Variants in ATP11A observed in about 807,000 individuals in gnomAD.
The protein encoded by ATP11A is phospholipid-transporting ATPase IH.
A neutral mutation model predicts 154.4 loss-of-function variants in ATP11A; 81 were observed. That is an observed-to-expected ratio of 0.52 (90% CI 0.44 to 0.63). The LOEUF is 0.63. Among genes scored for constraint, ATP11A ranks in the 30% least tolerant of loss-of-function variants. ATP11A has a pLI of 0.00. For synonymous variants in ATP11A, 623 were observed against 585.9 expected (o/e 1.06, Z -0.91); for missense variants, 1,316 against 1,474.3 (o/e 0.89, Z 1.76).
chr13:112,872,979 CGGTGTG>C (rs2080579923), intron 26 of ATP11A, among the ~76,000 whole-genome samples: 1 of 5,430 alleles, frequency 1.8e-4, no homozygotes, highest in Non-Finnish European at 7.9e-4. Context: ...TCTTCCTGAG[CGGTGTG>C]AGGTGTGGCT....
intron 12 of ATP11A, among the ~76,000 whole-genome samples, chr13:112,828,827 C>G (rs2079016261): frequency 2.0e-5 from 3 of 152,226 alleles, no homozygotes; most frequent in African/African-American, 7.2e-5. Context: ...AAGGCAGGTT[C>G]ATCTGACCGC....
intron 24 of ATP11A, 73 bp from the exon 25 acceptor site, chr13:112,862,367 C>T (rs1383240816): frequency 4.4e-5 from 70 of 1,576,852 alleles, no homozygotes; most frequent in Non-Finnish European, 6.0e-5. Flanking sequence ...CAGGGATGGC[C>T]ACCCCAGAGC....
chr13:112,717,704 T>G (rs923570711), intron 1 of ATP11A: 12 of 152,258 alleles, frequency 7.9e-5, no homozygotes, highest in Non-Finnish European at 1.6e-4. Context: ...GATTAAGTTA[T>G]GGTCGTAGGT....
At chr13:112,793,444 T>C (rs1157433645) in intron 2 of ATP11A, among the ~76,000 whole-genome samples, 4 of 152,184 alleles carry the variant, frequency 2.6e-5, no homozygotes, top group African/African-American at 9.6e-5. Flanking sequence ...CTCAGGTGAT[T>C]CACCCGCCTC....
chr13:112,795,109 TG>T (rs1566493330), intron 2 of ATP11A, among the ~76,000 whole-genome samples: 1 of 148,188 alleles, frequency 6.7e-6, no homozygotes, highest in Non-Finnish European at 1.5e-5. Context: ...CCGGGCATCT[TG>T]GGGGGTTGCC....
chr13:112,737,883 G>A (rs997382779), intron 1 of ATP11A, among the ~76,000 whole-genome samples: 1 of 152,106 alleles, frequency 6.6e-6, no homozygotes, highest in Admixed American at 6.5e-5. Context: ...GCTTTTTCGT[G>A]GTGCAGGGAA....
intron 13 of ATP11A, 36 bp from the exon 14 acceptor site, chr13:112,832,824 C>T (rs373271500): frequency 1.6e-5 from 25 of 1,599,442 alleles, no homozygotes; most frequent in Admixed American, 1.2e-4. Flanking sequence ...GTGGACGCAC[C>T]GTGATTTGGG....
intron 26 of ATP11A, 48 bp downstream of exon 26, chr13:112,871,848 TG>T (rs1257251741): frequency 6.4e-7 from 1 of 1,554,230 alleles, no homozygotes; most frequent in Non-Finnish European, 8.9e-7. Context: ...AGTGAACCCC[TG>T]CAGTGTAGGC....
chr13:112,691,227 G>C (rs1194338511), intron 1 of ATP11A, among the ~76,000 whole-genome samples: 1 of 152,110 alleles, frequency 6.6e-6, no homozygotes, highest in Non-Finnish European at 1.5e-5. Context: ...CACTTTTGGA[G>C]GCCGAGGCGG....
At chr13:112,710,669 C>T (rs1887629124) in intron 1 of ATP11A, among the ~76,000 whole-genome samples, 1 of 152,204 alleles carries the variant, frequency 6.6e-6, no homozygotes, top group Admixed American at 6.5e-5. Flanking sequence ...TTGTAACACT[C>T]CCGGCAGAGC....
At chr13:112,752,763 C>T (rs926256020) in intron 1 of ATP11A, among the ~76,000 whole-genome samples, 12 of 152,146 alleles carry the variant, frequency 7.9e-5, no homozygotes, top group African/African-American at 2.2e-4. Context: ...TTTCCACCGC[C>T]GATAACCACA....
chr13:112,814,677 G>T (rs2078593453), intron 5 of ATP11A, among the ~76,000 whole-genome samples: 1 of 152,120 alleles, frequency 6.6e-6, no homozygotes, highest in East Asian at 1.9e-4. Flanking sequence ...ATTTGCATGG[G>T]TCTGTTTCTG....
At chr13:112,777,616 C>T (rs981105731) in intron 1 of ATP11A, among the ~76,000 whole-genome samples, 2 of 152,186 alleles carry the variant, frequency 1.3e-5, no homozygotes, top group Non-Finnish European at 1.5e-5. Context: ...ACAGAGGCTG[C>T]CCAGGTAGCT....
chr13:112,750,845 A>C (rs541964060), intron 1 of ATP11A, among the ~76,000 whole-genome samples: 1 of 152,346 alleles, frequency 6.6e-6, no homozygotes, highest in East Asian at 1.9e-4. Flanking sequence ...TTTTATAACA[A>C]GTAGAATTGT....
chr13:112,835,655 C>T (rs1248621250), intron 15 of ATP11A, among the ~76,000 whole-genome samples: 1 of 152,242 alleles, frequency 6.6e-6, no homozygotes, highest in Non-Finnish European at 1.5e-5. Flanking sequence ...GTCCAAGGCC[C>T]TGAGGAGGCT....
intron 2 of ATP11A, among the ~76,000 whole-genome samples, chr13:112,802,778 G>A (rs932351745): frequency 1.2e-4 from 19 of 152,268 alleles, no homozygotes; most frequent in South Asian, 1.0e-3. Flanking sequence ...GTTGGACTTC[G>A]TGAAGATTAA....
intron 28 of ATP11A, among the ~76,000 whole-genome samples, chr13:112,877,054 G>T (rs190249737): frequency 6.6e-6 from 1 of 152,202 alleles, no homozygotes; most frequent in Non-Finnish European, 1.5e-5. Context: ...AAATCAGAGC[G>T]AGCAAAACTC....
In ATP11A at chr13:112,821,980, C is replaced by T. The variant is rs562768894; in HGVS notation, c.726-1365C>T. Among the ~76,000 whole-genome samples, 15 of 152,272 alleles carry T rather than the reference C, an allele frequency of 9.9e-5. 1 individual carries two copies. The highest frequency in any genetic ancestry group is 1.7e-4 in the African/African-American group (7 of 41,560). On this transcript the variant is annotated intron_variant, in intron 8 of 29. Coordinates refer to ENST00000375645, the MANE Select transcript of ATP11A (RefSeq NM_015205.3). ...GGAGGACGCGCGTGGAGCCCTCAGC[C>T]GCAGCCTGGGGTAGACAGCCCCACT...
intron 1 of ATP11A, among the ~76,000 whole-genome samples, chr13:112,765,389 G>A (rs959694044): frequency 1.3e-5 from 2 of 152,144 alleles, no homozygotes; most frequent in African/African-American, 2.4e-5. Context: ...TCGTGGTCTC[G>A]CTGGTGCAGC....
Sources: allele counts gnomAD v4.1 joint callset (sites outside exome capture counted in the v4.1 genomes callset), GRCh38; gene constraint gnomAD v4.1.1; transcripts MANE v1.5; gene names NCBI Gene and HGNC (gene_info 2026-07-23, HGNC 2026-07-21).